The following KIF26B variants were observed in gnomAD, a reference collection of about 807,000 sequenced individuals.
KIF26B encodes kinesin family member 26B, also known as kinesin-like protein KIF26B.
In KIF26B, 63 loss-of-function variants were observed where a neutral mutation model predicts 151.2. The ratio of observed to expected loss-of-function variants is 0.42; its 90% CI spans 0.34 to 0.51. The LOEUF (loss-of-function observed/expected upper bound fraction) is 0.51, where lower values mean the gene tolerates loss of function less well. Among genes scored for constraint, KIF26B ranks in the 20% least tolerant of loss-of-function variants. The probability of loss-of-function intolerance (pLI) is 0.07; values close to 1 mark genes in which losing one functional copy is unlikely to be tolerated. For missense variants in KIF26B, 2,813 were observed against 2,913.6 expected (o/e 0.97, Z 0.79); for synonymous variants, 1,357 against 1,262.1 (o/e 1.08, Z -1.59).
chr1:245,179,079 A>G (rs1026504034), intron 2 of KIF26B, among the ~76,000 whole-genome samples: 4 of 152,196 alleles, frequency 2.6e-5, no homozygotes, highest in African/African-American at 9.6e-5. Context: ...AAACTTGTAA[A>G]TAGGCAAAAC....
chr1:245,581,817 T>C (rs1661866938), intron 5 of KIF26B, among the ~76,000 whole-genome samples: 1 of 151,952 alleles, frequency 6.6e-6, no homozygotes, highest in Admixed American at 6.6e-5. Context: ...TTTGGGAGGC[T>C]GAGGTGGGAG....
rs35717996 is a variant in KIF26B, at chr1:245,602,988, T to C, written c.1557+205T>C. 8.3e-3 allele frequency among the ~76,000 whole-genome samples: 1,256 copies of C among 152,076 alleles called. 12 individuals carry two copies. Among genetic ancestry groups the C allele is most frequent in the Non-Finnish European group, 0.011 (738 of 67,992 alleles). ...CTTGGGCAGGATCAGTGTGCACAGA[T>C]TTCAATAAAATCTGTCCTTGGGGAG... is the stretch of plus-strand genomic sequence containing the variant. On this transcript the variant is annotated intron_variant, in intron 6 of 14. Transcript: ENST00000407071. The surrounding 1 kb of genome is among the most constrained non-coding windows in gnomAD (Gnocchi z 4.5).
chr1:245,176,718 A>G (rs1472309100), intron 2 of KIF26B, among the ~76,000 whole-genome samples: 3 of 152,214 alleles, frequency 2.0e-5, no homozygotes, highest in Non-Finnish European at 2.9e-5. Context: ...TGGAAGGAAC[A>G]TGGCTCACAG....
At position 245,632,529 on chromosome 1, in the gene KIF26B, G is replaced by A. The variant is rs76078419; in HGVS notation, c.2099-13592G>A. 5.8e-3 allele frequency among the ~76,000 whole-genome samples: 880 copies of A among 152,236 alleles called. 7 individuals carry two copies. The highest frequency in any genetic ancestry group is 0.02 in the African/African-American group (836 of 41,530). On this transcript the variant is annotated intron_variant, in intron 9 of 14. Transcript: ENST00000407071. ...TGAAATGCTCTCTAAATATCTGTTC[G>A]ATCCATTTGGTCTGTAGTGCGGATT...
At chr1:245,583,152 G>A (rs949186865) in intron 5 of KIF26B, among the ~76,000 whole-genome samples, 8 of 151,814 alleles carry the variant, frequency 5.3e-5, no homozygotes, top group African/African-American at 1.7e-4. Context: ...CTCTTCCTTC[G>A]TATCTCCTTT....
intron 4 of KIF26B, among the ~76,000 whole-genome samples, chr1:245,440,518 T>A (rs1659053125): frequency 6.6e-6 from 1 of 152,192 alleles, no homozygotes; most frequent in African/African-American, 2.4e-5. Flanking sequence ...CAGGTCCAGA[T>A]TAATCCACAG....
At chr1:245,372,004 G>A (rs1241635276) in intron 3 of KIF26B, among the ~76,000 whole-genome samples, 2 of 148,336 alleles carry the variant, frequency 1.3e-5, no homozygotes, top group East Asian at 1.9e-4. Flanking sequence ...CACACACAGA[G>A]AAAGCAGAAA....
chr1:245,625,767 C>G (rs771812848), intron 9 of KIF26B, among the ~76,000 whole-genome samples: 4 of 151,768 alleles, frequency 2.6e-5, no homozygotes, highest in Admixed American at 6.6e-5. Context: ...CTGTTTTATC[C>G]CCCTCCCCCG....
chr1:245,657,714 G>A (rs1248213993), intron 10 of KIF26B, among the ~76,000 whole-genome samples: 2 of 152,110 alleles, frequency 1.3e-5, no homozygotes, highest in African/African-American at 4.8e-5. Flanking sequence ...TCCAGCGGCT[G>A]TTCATTCACT....
At chr1:245,215,938 G>A (rs1047709118) in intron 2 of KIF26B, among the ~76,000 whole-genome samples, 2 of 151,904 alleles carry the variant, frequency 1.3e-5, no homozygotes, top group Non-Finnish European at 2.9e-5. Context: ...TATATTAAAC[G>A]AAGTCAAAGC....
chr1:245,408,863 G>A (rs995382231), intron 3 of KIF26B, among the ~76,000 whole-genome samples: 8 of 152,230 alleles, frequency 5.3e-5, no homozygotes, highest in East Asian at 1.9e-4. Context: ...TTACTCGATC[G>A]CAGTTGTGCC....
chr1:245,481,983 A>G (rs1475655724), intron 4 of KIF26B, among the ~76,000 whole-genome samples: 2 of 151,806 alleles, frequency 1.3e-5, no homozygotes, highest in Non-Finnish European at 2.9e-5. Flanking sequence ...GACCAGAGCC[A>G]AGGAAGAGAA....
At chr1:245,593,981 T>C (rs1184891962) in intron 5 of KIF26B, among the ~76,000 whole-genome samples, 1 of 152,230 alleles carries the variant, frequency 6.6e-6, no homozygotes, top group Non-Finnish European at 1.5e-5. Flanking sequence ...TTTTGAGAAG[T>C]GTCTGTTCAT....
chr1:245,350,459 A>G (rs1419254388), intron 2 of KIF26B, among the ~76,000 whole-genome samples: 2 of 152,100 alleles, frequency 1.3e-5, no homozygotes, highest in Non-Finnish European at 2.9e-5. Flanking sequence ...GTCCTGAAGA[A>G]CGTGTTGATT....
At chr1:245,307,631 T>TGAAAAACATTTCGGGAGAG (rs1306034397) in intron 2 of KIF26B, among the ~76,000 whole-genome samples, 1 of 152,234 alleles carries the variant, frequency 6.6e-6, no homozygotes, top group East Asian at 1.9e-4. Context: ...TTTTTTTAGT[T>TGAAAAACATTTCGGGAGAG]GAAAAACATT....
chr1:245,155,207 A>G lies in KIF26B; in HGVS notation c.-218A>G. 1 of 581,402 alleles carries G rather than the reference A, an allele frequency of 1.7e-6. No individual in the cohort carries two copies. The highest frequency in any genetic ancestry group is 2.3e-5 in the South Asian group (1 of 42,808). 36.0% of individuals were successfully genotyped at this position (581,402 alleles called of 1,614,324 possible). ...GGGGACGAGGAAAAGCATGCTTTGAAGAGAAGAATAAACCAGCGACCCCAA... is the reference window on the plus strand; with the variant it reads ...GGGGACGAGGAAAAGCATGCTTTGAGGAGAAGAATAAACCAGCGACCCCAA... On this transcript the variant is annotated 5_prime_UTR_variant, in exon 1 of 15. Transcript: ENST00000407071.
intron 10 of KIF26B, among the ~76,000 whole-genome samples, chr1:245,670,481 T>G (rs1441086735): frequency 2.8e-5 from 4 of 141,704 alleles, no homozygotes; most frequent in Non-Finnish European, 6.0e-5. Flanking sequence ...CTGTCACCTG[T>G]CCTAGTTATC....
At chr1:245,201,263 T>C (rs1361017348) in intron 2 of KIF26B, among the ~76,000 whole-genome samples, 1 of 152,236 alleles carries the variant, frequency 6.6e-6, no homozygotes, top group African/African-American at 2.4e-5. Flanking sequence ...ATCAGTTTCA[T>C]TTTGAAATAA....
At chr1:245,246,098 G>GA (rs199908845) in intron 2 of KIF26B, among the ~76,000 whole-genome samples, 1,451 of 32,236 alleles carry the variant, frequency 0.045, 17 homozygotes, top group Non-Finnish European at 0.069. Flanking sequence ...TCTCAAAAAA[G>GA]AAAAAAAAAA....
Sources: allele counts gnomAD v4.1 joint callset (sites outside exome capture counted in the v4.1 genomes callset), GRCh38; gene constraint gnomAD v4.1.1; non-coding constraint Gnocchi (gnomAD v3.1); transcripts MANE v1.5; gene names NCBI Gene and HGNC (gene_info 2026-07-23, HGNC 2026-07-21).